The following ENTPD5 variants were observed in gnomAD, a reference collection of about 807,000 sequenced individuals.
The protein encoded by ENTPD5 is nucleoside diphosphate phosphatase ENTPD5.
Under a neutral mutation model 60.2 loss-of-function variants are expected in ENTPD5, and 49 were observed. The observed-to-expected ratio is 0.81, with a 90% CI of 0.65 to 1.03. ENTPD5 has a LOEUF of 1.03. Among genes scored for constraint, ENTPD5 ranks in the 50% least tolerant of loss-of-function variants. The pLI is 0.00. For missense variants in ENTPD5, 480 were observed against 507.6 expected (o/e 0.95, Z 0.52); for synonymous variants, 187 against 185.4 (o/e 1.01, Z -0.07).
chr14:73,961,028 G>C (rs1237372830), downstream of ENTPD5: 5 of 924,188 alleles, frequency 5.4e-6, no homozygotes, highest in Admixed American at 4.0e-5. Flanking sequence ...TTGCACTTGA[G>C]GGGCTTATCA....
chr14:73,962,519 ATT>A (rs1310920343), downstream of ENTPD5, among the ~76,000 whole-genome samples: 4 of 151,802 alleles, frequency 2.6e-5, no homozygotes, highest in Non-Finnish European at 5.9e-5. Context: ...TGATCACATC[ATT>A]GTTACTCAGA....
chr14:73,961,903 A>C, downstream of ENTPD5: 2 of 1,614,128 alleles, frequency 1.2e-6, no homozygotes, highest in Non-Finnish European at 1.7e-6. Context: ...CTCCACTCAA[A>C]GTAAGAGGTT....
At chr14:73,987,024 G>C in intron 4 of ENTPD5, 131 bp from the exon 5 acceptor site, 1 of 754,950 alleles carries the variant, frequency 1.3e-6, no homozygotes, top group South Asian at 1.4e-5. Context: ...TCCTAGTTGT[G>C]AGGAATGTCT....
intron 8 of ENTPD5, 29 bp from the exon 9 acceptor site, chr14:73,976,441 C>A (rs755092878): frequency 1.2e-5 from 19 of 1,575,932 alleles, no homozygotes; most frequent in African/African-American, 4.0e-5. Context: ...CTCTAAATAG[C>A]CTCGACATCC....
intron 2 of ENTPD5, among the ~76,000 whole-genome samples, chr14:74,014,678 A>G (rs2058960986): frequency 6.6e-6 from 1 of 152,204 alleles, no homozygotes; most frequent in Non-Finnish European, 1.5e-5. Context: ...GACCGCCAGG[A>G]TTTCTTAAAA....
chr14:73,976,595 G>T (rs2057455885), intron 8 of ENTPD5, among the ~76,000 whole-genome samples, 183 bp from the exon 9 acceptor site: 2 of 140,096 alleles, frequency 1.4e-5, no homozygotes, highest in South Asian at 2.3e-4. Context: ...CAAGGCAGGT[G>T]TTTTTTTTTT....
downstream of ENTPD5, chr14:73,955,728 G>T: frequency 6.2e-7 from 1 of 1,601,318 alleles, no homozygotes. Flanking sequence ...TCTGTCACTT[G>T]GGAAAGCAAT....
At position 73,963,268 on chromosome 14, in the gene ENTPD5, A is replaced by G. The variant is rs2056837566; in HGVS notation, c.*3660T>C. ...AGCTTTTTATTACTAAAAAACCCAC[A>G]AGGTGCTGTCTCACTCATTTCCAGT... On this transcript the variant is annotated 3_prime_UTR_variant, in exon 16 of 16. Coordinates refer to ENST00000334696, the MANE Select transcript of ENTPD5 (RefSeq NM_001249.5). 1 of 558,018 alleles carries G rather than the reference A, an allele frequency of 1.8e-6. No homozygotes were observed. The allele number at this position is 558,018 out of a possible 1,614,324, so 34.6% of individuals were successfully genotyped here.
chr14:73,956,144 G>C (rs566271548), downstream of ENTPD5: 132 of 494,280 alleles, frequency 2.7e-4, no homozygotes, highest in Non-Finnish European at 4.3e-4. Flanking sequence ...CTAACATGGT[G>C]AAACCCTGTC....
In ENTPD5 at chr14:73,978,606, A is replaced by T. The variant is rs190680600; in HGVS notation, c.442-1232T>A. Among the ~76,000 whole-genome samples, 5 of 151,316 alleles carry T rather than the reference A, an allele frequency of 3.3e-5. No individual in the cohort carries two copies. The East Asian group carries it at 9.7e-4, about 29-fold the overall frequency. On this transcript the variant is annotated intron_variant, in intron 6 of 15. Transcript: ENST00000334696. Reference sequence around the variant, plus strand: ...ACAAGAGTGAGACTCTGTCTCAAACAAAACAAAACAAAACAAAACGCCAAA... The same window carrying T: ...ACAAGAGTGAGACTCTGTCTCAAACTAAACAAAACAAAACAAAACGCCAAA...
At chr14:73,992,539 T>C (rs1312757279) in intron 3 of ENTPD5, among the ~76,000 whole-genome samples, 1 of 150,056 alleles carries the variant, frequency 6.7e-6, no homozygotes, top group Non-Finnish European at 1.5e-5. Flanking sequence ...CAAAAAAAAA[T>C]TAGGCGTGGT....
Position 73,976,032 on chromosome 14 carries a change from G to A in ENTPD5, c.643-17C>T, listed in dbSNP as rs1394199427. The stretch of plus-strand genomic sequence containing the variant: ...CAGAGTTTTCTGCAAATCAGAAAAA[G>A]CAAAAAGACTATTCAGGATCTGTAA... On this transcript the variant is annotated splice_polypyrimidine_tract_variant and intron_variant, in intron 9 of 15. Transcript: ENST00000334696. 1.3e-6 allele frequency: 2 copies of A among 1,598,174 alleles called. No homozygotes were observed. Among genetic ancestry groups the A allele is most frequent in the South Asian group, 2.2e-5 (2 of 90,640 alleles).
At chr14:73,956,296 C>G (rs913612530), downstream of ENTPD5, 2 of 226,260 alleles carry the variant, frequency 8.8e-6, no homozygotes, top group African/African-American at 2.3e-5. Context: ...CCACTGCACT[C>G]CAGCCTGGGC....
At position 73,966,231 on chromosome 14, in the gene ENTPD5, T is replaced by C. The variant is rs1048819556; in HGVS notation, c.*697A>G. 1 of 152,170 alleles carries C rather than the reference T, an allele frequency of 6.6e-6. No homozygotes were observed. Among genetic ancestry groups the C allele is most frequent in the Non-Finnish European group, 1.5e-5 (1 of 68,028 alleles). The allele number at this position is 152,170 out of a possible 1,614,324, so 9.4% of individuals were successfully genotyped here. A position where few individuals can be genotyped will look rare whatever the true frequency, so the allele number is the denominator to read the frequency against. On this transcript the variant is annotated 3_prime_UTR_variant, in exon 16 of 16. Coordinates refer to ENST00000334696, the MANE Select transcript of ENTPD5 (RefSeq NM_001249.5). The stretch of plus-strand genomic sequence containing the variant: ...CAGAGTTGACTGATAAAATGCTGAT[T>C]AAAGCAAAGGTAGGCTATATGAGGC...
At chr14:73,973,293 T>C (rs1419103285) in intron 12 of ENTPD5, among the ~76,000 whole-genome samples, 1 of 152,240 alleles carries the variant, frequency 6.6e-6, no homozygotes, top group Non-Finnish European at 1.5e-5. Flanking sequence ...TTACATTCCA[T>C]AGCATTTGTA....
At chr14:73,957,915 G>C, downstream of ENTPD5, 1 of 495,136 alleles carries the variant, frequency 2.0e-6, no homozygotes, top group Non-Finnish European at 3.7e-6. Context: ...GTAAGAAAGA[G>C]TGCCTCTGAC....
chr14:73,961,176 A>G, downstream of ENTPD5: 2 of 1,613,392 alleles, frequency 1.2e-6, no homozygotes, highest in East Asian at 2.2e-5. Flanking sequence ...TGCTCAGTGG[A>G]GTGATGCTGA....
chr14:73,976,228 G>C (rs2057439076), intron 9 of ENTPD5, 96 bp downstream of exon 9: 1 of 1,081,882 alleles, frequency 9.2e-7, no homozygotes, highest in African/African-American at 1.5e-5. Flanking sequence ...GCCTAAGCGT[G>C]GTAGAGCTGC....
chr14:73,962,889 C>T (rs967068336), downstream of ENTPD5: 1 of 1,168,990 alleles, frequency 8.6e-7, no homozygotes, highest in Non-Finnish European at 1.3e-6. Context: ...GGGAAGAATA[C>T]CTACGTGATT....
Sources: allele counts gnomAD v4.1 joint callset (sites outside exome capture counted in the v4.1 genomes callset), GRCh38; gene constraint gnomAD v4.1.1; transcripts MANE v1.5; gene names NCBI Gene and HGNC (gene_info 2026-07-23, HGNC 2026-07-21).